Variants in XRCC6 observed in about 807,000 individuals in gnomAD.
XRCC6 encodes DNA repair protein Ku70.
Under a neutral mutation model 65.7 loss-of-function variants are expected in XRCC6, and 5 were observed. The observed-to-expected ratio is 0.08, with a 90% CI of 0.04 to 0.16. The LOEUF is 0.16. Ranked by LOEUF, XRCC6 falls within the 10% of genes least tolerant of loss-of-function variation. The pLI is 1.00. For synonymous variants in XRCC6, 270 were observed against 270.6 expected (o/e 1.00, Z 0.02); for missense variants, 447 against 738.1 (o/e 0.61, Z 4.57).
rs767619167 is a variant in XRCC6, at chr22:41,657,006, C to G, written c.1395C>G (p.Ile465Met). 5 of 1,595,576 alleles carry G rather than the reference C, an allele frequency of 3.1e-6. No individual in the cohort carries two copies. Among genetic ancestry groups the G allele is most frequent in the Admixed American group, 3.7e-5 (2 of 54,222 alleles). Residue 465 changes from isoleucine to methionine, a missense_variant, in exon 10 of 13, where the codon ATC becomes ATG. Physicochemically the swap from Ile to Met is conservative, Grantham distance 10. Around this residue, in one of 4 missense-constraint regions of XRCC6, gnomAD observed 201 missense variants for 374.1 expected, o/e 0.54. Transcript: ENST00000360079. ...TPEQVGKMKA[I>M]VEKLRFTYRS... ...AGCAGGTGGGCAAGATGAAGGCTAT[C>G]GTTGAGAAGCTTCGCTTCACATACA...
intron 10 of XRCC6, among the ~76,000 whole-genome samples, chr22:41,657,490 T>TTTATTATTATTATTATTA (rs138171458): frequency 7.2e-6 from 1 of 138,244 alleles, no homozygotes; most frequent in Admixed American, 7.5e-5. Flanking sequence ...TTTTTAAAAA[T>TTTATTATTATTATTATTA]TTATTATTAT....
intron 2 of XRCC6, 51 bp downstream of exon 2, chr22:41,622,137 C>T: frequency 6.3e-7 from 1 of 1,580,342 alleles, no homozygotes; most frequent in Non-Finnish European, 8.7e-7. Flanking sequence ...GAAAGACCTT[C>T]CCTGCCTATC....
At chr22:41,637,846 T>C in intron 6 of XRCC6, 55 bp downstream of exon 6, 1 of 1,546,858 alleles carries the variant, frequency 6.5e-7, no homozygotes, top group South Asian at 1.2e-5. Context: ...AGAAGCAGGC[T>C]GGGCGCGGTG....
rs192373744 is a variant in XRCC6, at chr22:41,651,012, T to C, written c.1129+121T>C. 6.1e-6 allele frequency: 8 copies of C among 1,318,458 alleles called. No homozygotes were observed. In the South Asian group the frequency reaches 8.4e-5, roughly 14 times the overall value. The allele number at this position is 1,318,458 out of a possible 1,614,324, so 81.7% of individuals were successfully genotyped here. A position where few individuals can be genotyped will look rare whatever the true frequency, so the allele number is the denominator to read the frequency against. On this transcript the variant is annotated intron_variant, in intron 8 of 12. Coordinates refer to ENST00000360079, the MANE Select transcript of XRCC6 (RefSeq NM_001469.5). The stretch of plus-strand genomic sequence containing the variant: ...AAATGTTAATGGAGTATGTTGAAAG[T>C]GTTTCAAGCTCTGCCTGGTGCAGTG...
intron 3 of XRCC6, among the ~76,000 whole-genome samples, chr22:41,631,488 C>T (rs2067749704): frequency 2.0e-5 from 3 of 147,914 alleles, no homozygotes; most frequent in South Asian, 2.2e-4. Flanking sequence ...ACCTCCCAGA[C>T]GGGGTCACGG....
chr22:41,660,623 T>C (rs889510631), intron 11 of XRCC6, among the ~76,000 whole-genome samples: 1 of 152,118 alleles, frequency 6.6e-6, no homozygotes, highest in Non-Finnish European at 1.5e-5. Context: ...CTGTCCTCCT[T>C]AACACCCTAC....
In XRCC6 at chr22:41,636,588, G is replaced by A; in HGVS notation, c.407G>A (p.Gly136Asp). The A allele has an allele frequency of 1.9e-6, 3 of 1,613,992 alleles. No individual in the cohort carries two copies. Among genetic ancestry groups the A allele is most frequent in the Non-Finnish European group, 2.5e-6 (3 of 1,179,932 alleles). ...QGQKRFQDMM[G>D]HGSDYSLSEV... The stretch of plus-strand genomic sequence containing the variant: ...CAAAAACGTTTCCAAGACATGATGG[G>A]CCACGGATCTGACTACTCACTCAGT... Residue 136 changes from glycine (G) to aspartate (D), a missense_variant, in exon 5 of 13, where the codon GGC becomes GAC. Physicochemically the swap from Gly to Asp is moderately conservative, Grantham distance 94 (BLOSUM62 -1). Around this residue, in one of 4 missense-constraint regions of XRCC6, gnomAD observed 228 missense variants for 307.4 expected, o/e 0.74. Transcript: ENST00000360079.
intron 6 of XRCC6, among the ~76,000 whole-genome samples, chr22:41,640,400 C>T (rs2067863360): frequency 1.3e-5 from 2 of 152,188 alleles, no homozygotes; most frequent in African/African-American, 4.8e-5. Context: ...CCACCCGCCT[C>T]AGCCTCCCAA....
rs60191841 is a variant in XRCC6 at position 41,629,983 on chromosome 22, C to CTT, written c.195+1771_195+1772dup. On this transcript the variant is annotated intron_variant, in intron 3 of 12. Coordinates refer to ENST00000360079, the MANE Select transcript of XRCC6 (RefSeq NM_001469.5). ...GCCCAGCCTTGTGTGTGCATTTATGCTTTTTTTTTTTTTTTTTTTGAGTTG... is the reference window on the plus strand; with the variant it reads ...GCCCAGCCTTGTGTGTGCATTTATGCTTTTTTTTTTTTTTTTTTTTTGAGTTG... Among the ~76,000 whole-genome samples the CTT allele has an allele frequency of 6.9e-4, 65 of 93,540 alleles. 1 individual carries two copies. The highest frequency in any genetic ancestry group is 9.2e-4 in the East Asian group (3 of 3,244). The allele number at this position is 93,540 out of a possible 152,430, so 61.4% of individuals were successfully genotyped here. A position where few individuals can be genotyped will look rare whatever the true frequency, so the allele number is the denominator to read the frequency against.
chr22:41,628,112 C>T lies in XRCC6; in HGVS notation c.83-6C>T. 1.9e-6 allele frequency: 3 copies of T among 1,597,154 alleles called. No individual in the cohort carries two copies. The highest frequency in any genetic ancestry group is 2.6e-6 in the Non-Finnish European group (3 of 1,168,100). ...CAAACATTTTCTTCCATTTTTTTCC[C>T]CATAGGAGACTATAAATATTCAGGA... On this transcript the variant is annotated splice_region_variant and splice_polypyrimidine_tract_variant and intron_variant, in intron 2 of 12. Transcript: ENST00000360079.
intron 1 of XRCC6, chr22:41,621,642 GT>G: frequency 4.8e-6 from 1 of 206,416 alleles, no homozygotes; most frequent in Non-Finnish European, 9.9e-6. Context: ...ATTTGGGGAG[GT>G]TTTTGGGCGG....
chr22:41,642,174 C>T (rs1450595977), intron 6 of XRCC6, among the ~76,000 whole-genome samples: 1 of 152,166 alleles, frequency 6.6e-6, no homozygotes, highest in Non-Finnish European at 1.5e-5. Flanking sequence ...CATGGGAGTG[C>T]AGATATCTCT....
At chr22:41,632,775 A>T (rs1226056998) in intron 3 of XRCC6, among the ~76,000 whole-genome samples, 1 of 150,704 alleles carries the variant, frequency 6.6e-6, no homozygotes, top group Non-Finnish European at 1.5e-5. Flanking sequence ...CTGAGCTATG[A>T]TTGTGCCAGT....
In XRCC6 at chr22:41,637,526, A is replaced by G. The variant is rs2067822179; in HGVS notation, c.590-82A>G. 4.7e-6 allele frequency: 6 copies of G among 1,276,944 alleles called. No homozygotes were observed. The South Asian group carries it at 8.1e-5, about 17-fold the overall frequency. The allele number at this position is 1,276,944 out of a possible 1,614,324, so 79.1% of individuals were successfully genotyped here. A position where few individuals can be genotyped will look rare whatever the true frequency, so the allele number is the denominator to read the frequency against. Reference sequence around the variant, plus strand: ...TAGTTTTCAGGGAGCTTTTAAAAGCATGTTTCAGTTTTAACTGAAAGAACT... The same window carrying G: ...TAGTTTTCAGGGAGCTTTTAAAAGCGTGTTTCAGTTTTAACTGAAAGAACT... On this transcript the variant is annotated intron_variant, in intron 5 of 12. Transcript: ENST00000360079.
At chr22:41,631,870 A>G (rs1183266032) in intron 3 of XRCC6, among the ~76,000 whole-genome samples, 1 of 152,164 alleles carries the variant, frequency 6.6e-6, no homozygotes, top group African/African-American at 2.4e-5. Context: ...CACCGTCTGC[A>G]ATCCCGGCAC....
intron 8 of XRCC6, among the ~76,000 whole-genome samples, chr22:41,651,263 A>G (rs1233459972): frequency 6.7e-6 from 1 of 149,406 alleles, no homozygotes; most frequent in African/African-American, 2.5e-5. Context: ...ACACCACTGC[A>G]CTCCAGCCTG....
intron 3 of XRCC6, among the ~76,000 whole-genome samples, chr22:41,630,991 C>T (rs1300329937): frequency 6.6e-6 from 1 of 152,182 alleles, no homozygotes; most frequent in African/African-American, 2.4e-5. Flanking sequence ...ACCTCCCAGA[C>T]GGGGTGGTGG....
intron 3 of XRCC6, among the ~76,000 whole-genome samples, chr22:41,633,082 G>A (rs978851626): frequency 6.6e-6 from 1 of 151,826 alleles, no homozygotes; most frequent in African/African-American, 2.4e-5. Flanking sequence ...AGCCGAGATG[G>A]CACTATTGCA....
intron 2 of XRCC6, among the ~76,000 whole-genome samples, chr22:41,623,967 C>A (rs1474412348): frequency 1.3e-5 from 2 of 151,694 alleles, no homozygotes; most frequent in Non-Finnish European, 2.9e-5. Flanking sequence ...AGGTGATTCA[C>A]CCACCTCGGC....
Sources: allele counts gnomAD v4.1 joint callset (sites outside exome capture counted in the v4.1 genomes callset), GRCh38; gene constraint gnomAD v4.1.1; regional missense constraint gnomAD v4.1.1; transcripts MANE v1.5; gene names NCBI Gene and HGNC (gene_info 2026-07-23, HGNC 2026-07-21).